UST: variants seen among roughly 807,000 people sequenced by gnomAD.
UST encodes the protein chondroitin sulfate 2-O-sulfotransferase.
In UST, 21 loss-of-function variants were observed where a neutral mutation model predicts 45.6. The ratio of observed to expected loss-of-function variants is 0.46; its 90% CI spans 0.33 to 0.66. The LOEUF is 0.66. Ranked by LOEUF, UST falls within the 30% of genes least tolerant of loss-of-function variation. The pLI is 0.02. For synonymous variants in UST, 215 were observed against 200.6 expected (o/e 1.07, Z -0.61); for missense variants, 463 against 512.4 (o/e 0.90, Z 0.93).
intron 7 of UST, among the ~76,000 whole-genome samples, chr6:149,031,223 A>C (rs994011391): frequency 4.0e-5 from 1 of 25,000 alleles, no homozygotes; most frequent in Admixed American, 2.8e-4. Flanking sequence ...AAAAAAAAAA[A>C]GTCTAAGCTG....
chr6:148,829,941 A>G (rs1186324649), intron 1 of UST, among the ~76,000 whole-genome samples: 1 of 152,244 alleles, frequency 6.6e-6, no homozygotes, highest in Non-Finnish European at 1.5e-5. Context: ...TTAGTAGCAC[A>G]GGAAAAGACT....
At chr6:149,011,004 A>T (rs934790228) in intron 5 of UST, among the ~76,000 whole-genome samples, 14 of 152,046 alleles carry the variant, frequency 9.2e-5, no homozygotes, top group African/African-American at 3.4e-4. Flanking sequence ...ACTTCAAAAA[A>T]TGTTTGGTCT....
intron 1 of UST, among the ~76,000 whole-genome samples, chr6:148,868,075 C>T (rs917883370): frequency 6.6e-6 from 1 of 152,166 alleles, no homozygotes; most frequent in Admixed American, 6.5e-5. Flanking sequence ...CTGCAAAGGA[C>T]ACTGTGATCT....
At chr6:148,816,141 TG>T (rs1408389054) in intron 1 of UST, among the ~76,000 whole-genome samples, 1 of 151,938 alleles carries the variant, frequency 6.6e-6, no homozygotes, top group East Asian at 1.9e-4. Context: ...CACACTGTGT[TG>T]TTTTCACTGG....
chr6:148,927,381 G>T (rs1779836695), intron 2 of UST, among the ~76,000 whole-genome samples: 1 of 152,032 alleles, frequency 6.6e-6, no homozygotes, highest in Non-Finnish European at 1.5e-5. Flanking sequence ...CTTTACTTTG[G>T]ATTTTCTGGT....
chr6:148,829,517 ACTT>A (rs1777642488), intron 1 of UST, among the ~76,000 whole-genome samples: 1 of 152,150 alleles, frequency 6.6e-6, no homozygotes, highest in South Asian at 2.1e-4. Flanking sequence ...TGTTCAGTCT[ACTT>A]CCAAAATCCG....
chr6:148,835,637 C>T (rs1477962436), intron 1 of UST, among the ~76,000 whole-genome samples: 1 of 152,124 alleles, frequency 6.6e-6, no homozygotes. Flanking sequence ...GCAAAATGGG[C>T]ACTATGATTG....
intron 2 of UST, among the ~76,000 whole-genome samples, chr6:148,887,375 T>C (rs1254996315): frequency 1.3e-5 from 2 of 152,230 alleles, no homozygotes; most frequent in African/African-American, 4.8e-5. Context: ...GGCCTCCCCA[T>C]GCCTTCGGGC....
chr6:148,929,524 G>A (rs1380248796), intron 2 of UST, among the ~76,000 whole-genome samples: 1 of 152,218 alleles, frequency 6.6e-6, no homozygotes, highest in East Asian at 1.9e-4. Context: ...AAGCTAGTCT[G>A]AGGACAATGC....
chr6:148,763,079 A>G (rs1175833054), intron 1 of UST, among the ~76,000 whole-genome samples: 1 of 152,190 alleles, frequency 6.6e-6, no homozygotes, highest in Non-Finnish European at 1.5e-5. Context: ...AAATCTCCAT[A>G]CTGTTTTCCA....
At chr6:148,882,994 C>T (rs1778851693) in intron 1 of UST, among the ~76,000 whole-genome samples, 1 of 152,254 alleles carries the variant, frequency 6.6e-6, no homozygotes, top group African/African-American at 2.4e-5. Flanking sequence ...ACATTGCCCA[C>T]ATCTCTTCTT....
intron 1 of UST, among the ~76,000 whole-genome samples, chr6:148,851,874 G>A (rs1331590859): frequency 6.6e-6 from 1 of 152,248 alleles, no homozygotes; most frequent in Admixed American, 6.5e-5. Flanking sequence ...AACAGAAGTG[G>A]CTGGTGTTGA....
At chr6:148,783,311 A>G (rs1215944747) in intron 1 of UST, among the ~76,000 whole-genome samples, 1 of 152,222 alleles carries the variant, frequency 6.6e-6, no homozygotes, top group Non-Finnish European at 1.5e-5. Context: ...CTATATTGTC[A>G]TATTTGCTTT....
chr6:149,003,892 T>C (rs6911303), intron 5 of UST, among the ~76,000 whole-genome samples: 96,117 of 152,040 alleles, frequency 0.63, 30,797 homozygotes, highest in Non-Finnish European at 0.7. Context: ...TTAATAGACG[T>C]GCAGGGCCTC....
chr6:148,753,962 T>G (rs555858695), intron 1 of UST, among the ~76,000 whole-genome samples: 30 of 152,270 alleles, frequency 2.0e-4, no homozygotes, highest in Middle Eastern at 3.4e-3. Flanking sequence ...TTTGTATATC[T>G]TCTTTGGAAA....
At chr6:148,782,733 A>G (rs901294646) in intron 1 of UST, among the ~76,000 whole-genome samples, 7 of 152,148 alleles carry the variant, frequency 4.6e-5, no homozygotes, top group African/African-American at 7.2e-5. Context: ...GATTACAGAC[A>G]TGAGCCACAG....
intron 5 of UST, chr6:149,005,481 G>A (rs564339063): frequency 3.2e-5 from 32 of 985,380 alleles, no homozygotes; most frequent in Non-Finnish European, 3.9e-5. Flanking sequence ...CAAATTGACA[G>A]TGGGCCCGAA....
Position 149,074,353 on chromosome 6 carries a change from C to G in UST, c.*237C>G. ...CCGGGTACACTAGATGGCTCCATCC[C>G]AAGGCATCTTGTCATAAAACAGCTT... On this transcript the variant is annotated 3_prime_UTR_variant, in exon 8 of 8. Coordinates refer to ENST00000367463, the MANE Select transcript of UST (RefSeq NM_005715.3). The G allele has an allele frequency of 1.9e-6, 1 of 526,030 alleles. No homozygotes were observed. The highest frequency in any genetic ancestry group is 3.4e-6 in the Non-Finnish European group (1 of 297,926). The allele number at this position is 526,030 out of a possible 1,614,324, so 32.6% of individuals were successfully genotyped here.
At chr6:148,997,232 T>C (rs1364496704) in intron 5 of UST, among the ~76,000 whole-genome samples, 1 of 152,248 alleles carries the variant, frequency 6.6e-6, no homozygotes, top group African/African-American at 2.4e-5. Context: ...AATACCAGCA[T>C]AATAAAGGGG....
Sources: allele counts gnomAD v4.1 joint callset (sites outside exome capture counted in the v4.1 genomes callset), GRCh38; gene constraint gnomAD v4.1.1; transcripts MANE v1.5; gene names NCBI Gene and HGNC (gene_info 2026-07-23, HGNC 2026-07-21).